SLC26A5: variants seen among roughly 807,000 people sequenced by gnomAD.
SLC26A5 encodes the protein solute carrier family 26 member 5.
A neutral mutation model predicts 81.0 loss-of-function variants in SLC26A5; 51 were observed. That is an observed-to-expected ratio of 0.63 (90% CI 0.50 to 0.80). The LOEUF is 0.80. Among genes scored for constraint, SLC26A5 ranks in the 30% least tolerant of loss-of-function variants. The probability of loss-of-function intolerance (pLI) is 0.00; values close to 1 mark genes in which losing one functional copy is unlikely to be tolerated. For missense variants in SLC26A5, 771 were observed against 905.8 expected, an observed-to-expected ratio of 0.85 and a Z score of 1.91; for synonymous variants, 325 against 332.8, an observed-to-expected ratio of 0.98 and a Z score of 0.25.
downstream of SLC26A5, among the ~76,000 whole-genome samples, chr7:103,371,845 G>A (rs186139003): frequency 3.9e-4 from 59 of 151,806 alleles, 1 homozygote; most frequent in East Asian, 8.8e-3. Context: ...ACAGGTGCGC[G>A]CCACCATGCC....
At chr7:103,381,761 CCACA>C (rs151130633) in intron 14 of SLC26A5, among the ~76,000 whole-genome samples, 4 of 150,098 alleles carry the variant, frequency 2.7e-5, no homozygotes, top group Non-Finnish European at 4.5e-5. Context: ...ACCCCTCATA[CCACA>C]CACACACACA....
chr7:103,406,226 T>C (rs535321833), intron 8 of SLC26A5, among the ~76,000 whole-genome samples: 13 of 152,194 alleles, frequency 8.5e-5, no homozygotes, highest in Admixed American at 6.5e-4. Flanking sequence ...CACTGGGGTA[T>C]GAAAAAAACT....
At chr7:103,363,396 A>C in intron 19 of SLC26A5, 2 of 1,614,104 alleles carry the variant, frequency 1.2e-6, no homozygotes, top group Non-Finnish European at 1.7e-6. Flanking sequence ...TGTAAGGAAC[A>C]GATTGAGAAA....
At chr7:103,395,791 T>C (rs1823064145) in intron 9 of SLC26A5, among the ~76,000 whole-genome samples, 1 of 152,026 alleles carries the variant, frequency 6.6e-6, no homozygotes, top group South Asian at 2.1e-4. Context: ...AGTGCTGGGA[T>C]TACAGGAGTC....
chr7:103,379,567 CT>C (rs1821625388), intron 15 of SLC26A5, among the ~76,000 whole-genome samples: 2 of 151,626 alleles, frequency 1.3e-5, no homozygotes. Flanking sequence ...TGACAGAGAC[CT>C]TTTTAACATG....
chr7:103,407,445 C>T (rs771806405), intron 8 of SLC26A5, among the ~76,000 whole-genome samples: 1 of 152,250 alleles, frequency 6.6e-6, no homozygotes, highest in East Asian at 1.9e-4. Flanking sequence ...TGAGGTATTT[C>T]TTTTGGCTCA....
chr7:103,417,731 A>G (rs1481118999), intron 4 of SLC26A5, among the ~76,000 whole-genome samples: 1 of 151,968 alleles, frequency 6.6e-6, no homozygotes, highest in Non-Finnish European at 1.5e-5. Context: ...TTACTCTTCA[A>G]TCCTATTCCT....
chr7:103,416,780 A>C (rs1021093019), intron 4 of SLC26A5, among the ~76,000 whole-genome samples: 16 of 151,664 alleles, frequency 1.1e-4, no homozygotes, highest in Non-Finnish European at 1.9e-4. Context: ...AGTTTATACC[A>C]TTTCCCCCTC....
chr7:103,440,151 G>A (rs543391759), intron 2 of SLC26A5, among the ~76,000 whole-genome samples: 1 of 152,172 alleles, frequency 6.6e-6, no homozygotes, highest in South Asian at 2.1e-4. Context: ...TGAAGTCAGG[G>A]GCATAGGGGG....
At chr7:103,388,766 T>A (rs1000133177) in intron 14 of SLC26A5, 7 of 434,526 alleles carry the variant, frequency 1.6e-5, no homozygotes, top group Non-Finnish European at 3.1e-5. Flanking sequence ...TCTTTTAACA[T>A]AACCATTGAT....
Position 103,352,811 on chromosome 7 carries a change from A to G in SLC26A5, c.*99T>C, listed in dbSNP as rs1279504281. 6.4e-6 allele frequency: 5 copies of G among 780,204 alleles called. No homozygotes were observed. In the East Asian group the frequency reaches 1.2e-4, roughly 19 times the overall value. The allele number at this position is 780,204 out of a possible 1,614,324, so 48.3% of individuals were successfully genotyped here. Reference sequence around the variant, plus strand: ...GTGACTTGGCTGAGGTCACCCCACTAACAGATTCCAGAGCTGGCATTCAAA... The same window carrying G: ...GTGACTTGGCTGAGGTCACCCCACTGACAGATTCCAGAGCTGGCATTCAAA... On this transcript the variant is annotated 3_prime_UTR_variant, in exon 20 of 20. Coordinates refer to the SLC26A5 transcript ENST00000339444.
rs1820753598 is a variant in SLC26A5, at chr7:103,367,014, A to G, written c.2041+9794T>C. On this transcript the variant is annotated intron_variant, in intron 19 of 19. Transcript: ENST00000339444. This position sits in a 1 kb window ranked among gnomAD's most constrained non-coding sequence, Gnocchi z 6.1. ...GAGACGTGGTTTCACCATGTTGGCC[A>G]GGCTGGTCTCGAACTCCTGAGGACA... Among the ~76,000 whole-genome samples, 2 of 152,162 alleles carry G rather than the reference A, an allele frequency of 1.3e-5. No homozygotes were observed. The highest frequency in any genetic ancestry group is 4.8e-5 in the African/African-American group (2 of 41,440).
chr7:103,393,674 T>C (rs1343191303), intron 9 of SLC26A5, among the ~76,000 whole-genome samples: 1 of 151,878 alleles, frequency 6.6e-6, no homozygotes, highest in African/African-American at 2.4e-5. Flanking sequence ...CCTGGGAATC[T>C]TGTGAATCTG....
rs1397622703 is a variant in SLC26A5 at position 103,398,346 on chromosome 7, C to T, written c.889-332G>A. On this transcript the variant is annotated intron_variant, in intron 8 of 19. Coordinates refer to ENST00000306312, the MANE Select transcript of SLC26A5 (RefSeq NM_198999.3). ...TTACCTTTAGGGTGGTGAAATGAGTCTCTGGCCACAATGTTATGAATAAAG... is the reference window on the plus strand; with the variant it reads ...TTACCTTTAGGGTGGTGAAATGAGTTTCTGGCCACAATGTTATGAATAAAG... Among the ~76,000 whole-genome samples the T allele has an allele frequency of 2.6e-5, 4 of 152,164 alleles. No individual in the cohort carries two copies. In the East Asian group the frequency reaches 7.7e-4, roughly 29 times the overall value.
chr7:103,359,080 C>T lies in SLC26A5; in HGVS notation c.2042-6154G>A, dbSNP rs1002037646. 3.4e-5 allele frequency among the ~76,000 whole-genome samples: 5 copies of T among 148,444 alleles called. No individual in the cohort carries two copies. The East Asian group carries it at 9.9e-4, about 29-fold the overall frequency. ...CTCGCTGCAGCCTCTGCTTCCTGGG[C>T]TCCCACCTCAGCCTCCCAAGTGGCT... is the stretch of plus-strand genomic sequence containing the variant. On this transcript the variant is annotated intron_variant, in intron 19 of 19. Coordinates refer to the SLC26A5 transcript ENST00000339444.
At chr7:103,392,681 C>A (rs1822759550) in intron 10 of SLC26A5, among the ~76,000 whole-genome samples, 1 of 152,142 alleles carries the variant, frequency 6.6e-6, no homozygotes, top group South Asian at 2.1e-4. Context: ...GGGTTCATGC[C>A]ATTCTCCTGC....
chr7:103,378,439 C>T lies in SLC26A5; in HGVS notation c.1785+7G>A. Reference sequence around the variant, plus strand: ...GAACGGATTATTTCAATGAAAAGACCACTCACTGCTTTGACAACAGTTGCG... The same window carrying T: ...GAACGGATTATTTCAATGAAAAGACTACTCACTGCTTTGACAACAGTTGCG... On this transcript the variant is annotated splice_region_variant and intron_variant, in intron 17 of 19. Transcript: ENST00000306312. 2 of 1,612,298 alleles carry T rather than the reference C, an allele frequency of 1.2e-6. No individual in the cohort carries two copies. Among genetic ancestry groups the T allele is most frequent in the Admixed American group, 1.7e-5 (1 of 60,012 alleles).
intron 11 of SLC26A5, among the ~76,000 whole-genome samples, chr7:103,390,780 C>T (rs1563530915): frequency 6.6e-6 from 1 of 151,942 alleles, no homozygotes; most frequent in Non-Finnish European, 1.5e-5. Flanking sequence ...CTGGTGCCAA[C>T]CTGAGACCTA....
At chr7:103,427,852 T>TC (rs10625713) in intron 2 of SLC26A5, among the ~76,000 whole-genome samples, 1 of 36,476 alleles carries the variant, frequency 2.7e-5, no homozygotes, top group Non-Finnish European at 4.1e-5. Flanking sequence ...CTAGAGATTC[T>TC]TTTTTTTTTT....
Sources: gnomAD v4.1 joint callset for allele counts (sites outside exome capture counted in the v4.1 genomes callset) on GRCh38, gnomAD v4.1.1 for gene constraint, Gnocchi (gnomAD v3.1) non-coding constraint, MANE v1.5 for transcripts, NCBI Gene and HGNC (gene_info 2026-07-23, HGNC 2026-07-21) for gene names.